Variants in KCNH7 observed in about 807,000 individuals in gnomAD.
The protein encoded by KCNH7 is voltage-gated inwardly rectifying potassium channel KCNH7.
Under a neutral mutation model 120.8 loss-of-function variants are expected in KCNH7, and 49 were observed. The observed-to-expected ratio is 0.41, with a 90% confidence interval of 0.32 to 0.51. The LOEUF (loss-of-function observed/expected upper bound fraction) is 0.51. Ranked by LOEUF, KCNH7 falls within the 20% of genes least tolerant of loss-of-function variation. The probability of loss-of-function intolerance (pLI) is 0.38; values close to 1 mark genes in which losing one functional copy is unlikely to be tolerated. For synonymous variants in KCNH7, 547 were observed against 516.1 expected, an observed-to-expected ratio of 1.06 and a Z score of -0.81; for missense variants, 1,097 against 1,446.6, an observed-to-expected ratio of 0.76 and a Z score of 3.92.
intron 11 of KCNH7, 128 bp downstream of exon 11, chr2:162,396,612 C>G: frequency 1.5e-6 from 1 of 669,060 alleles, no homozygotes; most frequent in Non-Finnish European, 2.5e-6. Context: ...TTGGCCTTTC[C>G]TTCCAAATAT....
chr2:162,413,578 A>G (rs1452267855), intron 9 of KCNH7, among the ~76,000 whole-genome samples: 6 of 152,170 alleles, frequency 3.9e-5, no homozygotes, highest in Non-Finnish European at 7.4e-5. Flanking sequence ...TTCTACCACG[A>G]CTATTTTCTA....
chr2:162,406,245 C>T (rs527712694), intron 9 of KCNH7, among the ~76,000 whole-genome samples: 29 of 151,866 alleles, frequency 1.9e-4, no homozygotes, highest in Non-Finnish European at 3.1e-4. Context: ...AGGCTCCTTC[C>T]GTAGGATTGT....
At chr2:162,711,424 T>A (rs1574294291) in intron 2 of KCNH7, among the ~76,000 whole-genome samples, 2 of 152,214 alleles carry the variant, frequency 1.3e-5, no homozygotes, top group African/African-American at 4.8e-5. Context: ...AAATGGCTGG[T>A]CCTTTGGGAA....
intron 6 of KCNH7, among the ~76,000 whole-genome samples, chr2:162,477,970 A>G (rs1404609856): frequency 6.6e-6 from 1 of 152,202 alleles, no homozygotes; most frequent in Non-Finnish European, 1.5e-5. Context: ...CAAAATGGGT[A>G]TGACACAAAT....
chr2:162,433,850 T>C (rs1200275209), intron 8 of KCNH7, among the ~76,000 whole-genome samples: 1 of 152,014 alleles, frequency 6.6e-6, no homozygotes. Flanking sequence ...AACAGAATTA[T>C]CATTCGACCC....
intron 2 of KCNH7, among the ~76,000 whole-genome samples, chr2:162,815,586 T>A (rs1684888499): frequency 6.6e-6 from 1 of 152,214 alleles, no homozygotes; most frequent in Admixed American, 6.5e-5. Flanking sequence ...CCTGATGGGT[T>A]ACACAGACTG....
chr2:162,595,839 G>T (rs1248464744), intron 2 of KCNH7, among the ~76,000 whole-genome samples: 1 of 151,742 alleles, frequency 6.6e-6, no homozygotes, highest in African/African-American at 2.4e-5. Flanking sequence ...ACCAAGAAAT[G>T]TTAGAACAGC....
intron 2 of KCNH7, among the ~76,000 whole-genome samples, chr2:162,633,182 C>T (rs745808838): frequency 6.6e-6 from 1 of 151,804 alleles, no homozygotes; most frequent in Non-Finnish European, 1.5e-5. Context: ...TTTTAGGTAA[C>T]ACACGGGGGT....
At chr2:162,702,390 T>A (rs1241459802) in intron 2 of KCNH7, among the ~76,000 whole-genome samples, 1 of 152,112 alleles carries the variant, frequency 6.6e-6, no homozygotes, top group Non-Finnish European at 1.5e-5. Flanking sequence ...TTCTGTCAAA[T>A]AAAAGATATA....
chr2:162,537,793 A>G (rs551530501), intron 2 of KCNH7, among the ~76,000 whole-genome samples: 31 of 152,250 alleles, frequency 2.0e-4, no homozygotes, highest in Admixed American at 1.9e-3. Flanking sequence ...TTCTGTGGAA[A>G]TGAAATAAAC....
intron 2 of KCNH7, among the ~76,000 whole-genome samples, chr2:162,781,955 T>C (rs977833595): frequency 3.9e-5 from 6 of 152,180 alleles, no homozygotes; most frequent in African/African-American, 1.4e-4. Context: ...GAGATGAAAA[T>C]CACGATGAAA....
chr2:162,689,127 G>A (rs898173074), intron 2 of KCNH7, among the ~76,000 whole-genome samples: 1 of 145,776 alleles, frequency 6.9e-6, no homozygotes, highest in Non-Finnish European at 1.5e-5. Flanking sequence ...TTTCATTATT[G>A]TATTACATTT....
chr2:162,474,031 C>T (rs1372466318), intron 6 of KCNH7, among the ~76,000 whole-genome samples: 1 of 152,100 alleles, frequency 6.6e-6, no homozygotes, highest in Non-Finnish European at 1.5e-5. Flanking sequence ...AACAACCTAC[C>T]CTTCTTAAGG....
At chr2:162,624,119 T>A (rs1377122729) in intron 2 of KCNH7, among the ~76,000 whole-genome samples, 3 of 152,118 alleles carry the variant, frequency 2.0e-5, no homozygotes, top group African/African-American at 7.2e-5. Context: ...GGTCTGCTCC[T>A]GACAGTCAAC....
intron 2 of KCNH7, among the ~76,000 whole-genome samples, chr2:162,555,609 A>AAACTG (rs1314749704): frequency 5.1e-4 from 78 of 152,302 alleles, no homozygotes; most frequent in African/African-American, 1.8e-3. Flanking sequence ...TGTTTGTGAC[A>AAACTG]AGCTTAGTAT....
At chr2:162,748,919 C>CCCCTT (rs1688431260) in intron 2 of KCNH7, among the ~76,000 whole-genome samples, 1 of 43,608 alleles carries the variant, frequency 2.3e-5, no homozygotes, top group Non-Finnish European at 3.5e-5. Context: ...TCCTTCCCTT[C>CCCCTT]CCTTTCCTTT....
chr2:162,721,377 C>A (rs566135368), intron 2 of KCNH7, among the ~76,000 whole-genome samples: 1 of 152,234 alleles, frequency 6.6e-6, no homozygotes, highest in Middle Eastern at 3.4e-3. Context: ...GGAAAGACAT[C>A]TGAAATCAGA....
At chr2:162,529,766 T>A (rs1691851246) in intron 3 of KCNH7, among the ~76,000 whole-genome samples, 2 of 151,860 alleles carry the variant, frequency 1.3e-5, no homozygotes, top group Admixed American at 1.3e-4. Context: ...TGGCCCCTTA[T>A]GCTTGGTAGG....
intron 8 of KCNH7, among the ~76,000 whole-genome samples, chr2:162,425,922 A>T (rs1382151791): frequency 3.3e-5 from 5 of 152,072 alleles, no homozygotes; most frequent in Non-Finnish European, 7.4e-5. Context: ...TAGATAAGAG[A>T]CTAATTTATG....
Sources: allele counts gnomAD v4.1 joint callset (sites outside exome capture counted in the v4.1 genomes callset), GRCh38; gene constraint gnomAD v4.1.1; transcripts MANE v1.5; gene names NCBI Gene and HGNC (gene_info 2026-07-23, HGNC 2026-07-21).